NBAS: variants seen among roughly 807,000 people sequenced by gnomAD.
The protein encoded by NBAS is NBAS subunit of NRZ tethering complex, also known as NAG/BC035112 fusion.
NBAS carries 219 observed loss-of-function variants against 302.5 expected under a neutral mutation model. The observed-to-expected ratio is 0.72, with a 90% confidence interval of 0.65 to 0.81. NBAS has a LOEUF of 0.81. NBAS is among the 30% of genes least tolerant of loss of function. The probability of loss-of-function intolerance (pLI) is 0.00; values close to 1 mark genes in which losing one functional copy is unlikely to be tolerated. For missense variants in NBAS, 2,932 were observed against 2,841.6 expected, an observed-to-expected ratio of 1.03 and a Z score of -0.72; for synonymous variants, 1,118 against 1,021.6, an observed-to-expected ratio of 1.09 and a Z score of -1.80.
chr2:15,298,630 C>T (rs761490822), intron 40 of NBAS, among the ~76,000 whole-genome samples: 5 of 152,098 alleles, frequency 3.3e-5, no homozygotes, highest in Admixed American at 1.3e-4. Context: ...TGATTACTTC[C>T]GATATTCAAA....
In NBAS at chr2:15,330,653, G is replaced by GC. The variant is rs1672289425; in HGVS notation, c.4291dup (p.Ala1431GlyfsTer4). The GC allele has an allele frequency of 1.2e-6, 2 of 1,613,932 alleles. No homozygotes were observed. The highest frequency in any genetic ancestry group is 1.3e-5 in the African/African-American group (1 of 74,920). On this transcript the variant is annotated frameshift_variant, in exon 36 of 52. Transcript: ENST00000281513. LOFTEE classifies it high-confidence loss of function. ...CTTCCACCACTGCCCATCACTGACG[G>GC]CCTGCAGCACCGCTTTGGTGGTGGT... is the stretch of plus-strand genomic sequence containing the variant.
chr2:15,296,318 C>T (rs577166420), intron 40 of NBAS, among the ~76,000 whole-genome samples: 1 of 152,168 alleles, frequency 6.6e-6, no homozygotes, highest in East Asian at 1.9e-4. Context: ...GCAGGTGGAC[C>T]CCTTGAGGTC....
At chr2:15,241,553 C>G (rs1667867176) in intron 44 of NBAS, among the ~76,000 whole-genome samples, 1 of 152,148 alleles carries the variant, frequency 6.6e-6, no homozygotes, top group Non-Finnish European at 1.5e-5. Flanking sequence ...GGAAACTTGA[C>G]AAAGTGCTTC....
At chr2:15,070,647 C>CT in the NBAS span, among the ~76,000 whole-genome samples, 1 of 152,172 alleles carries the variant, frequency 6.6e-6, no homozygotes, top group Non-Finnish European at 1.5e-5. Flanking sequence ...CCCCCTCACA[C>CT]TAGGGGGCCT....
intron 40 of NBAS, among the ~76,000 whole-genome samples, chr2:15,307,558 T>G (rs1014130008): frequency 2.6e-5 from 4 of 152,168 alleles, no homozygotes; most frequent in African/African-American, 9.7e-5. Context: ...AATACAAAAA[T>G]CAGATAATTT....
chr2:14,853,815 C>T, the NBAS span, among the ~76,000 whole-genome samples: 1 of 122,786 alleles, frequency 8.1e-6, no homozygotes, highest in Admixed American at 8.0e-5. Flanking sequence ...AGTAAACTAT[C>T]GCAAGAACAA....
chr2:15,431,897 AAATT>A (rs1488928123), intron 21 of NBAS, among the ~76,000 whole-genome samples: 1 of 152,190 alleles, frequency 6.6e-6, no homozygotes, highest in Non-Finnish European at 1.5e-5. Context: ...TTTACATTAC[AAATT>A]AATTGATTGG....
At chr2:15,190,220 A>G in intron 49 of NBAS, 44 bp downstream of exon 49, 9 of 1,609,822 alleles carry the variant, frequency 5.6e-6, no homozygotes, top group Non-Finnish European at 7.6e-6. Flanking sequence ...GCTAAAGTCC[A>G]AACAAAAGAA....
At chr2:14,941,866 A>G in the NBAS span, among the ~76,000 whole-genome samples, 3 of 152,226 alleles carry the variant, frequency 2.0e-5, no homozygotes, top group African/African-American at 4.8e-5. Flanking sequence ...ATATGCAAAC[A>G]TAATACCCAC....
the NBAS span, among the ~76,000 whole-genome samples, chr2:15,063,602 T>C: frequency 5.3e-5 from 8 of 152,152 alleles, no homozygotes; most frequent in African/African-American, 1.9e-4. Flanking sequence ...TATTTGTAGA[T>C]AGGGACTTTA....
the NBAS span, among the ~76,000 whole-genome samples, chr2:14,909,038 A>C: frequency 3.9e-5 from 6 of 152,158 alleles, 1 homozygote; most frequent in Admixed American, 2.0e-4. Context: ...TGTGGCTAGA[A>C]AAGAGAACCA....
the NBAS span, among the ~76,000 whole-genome samples, chr2:15,140,330 C>T: frequency 6.6e-6 from 1 of 152,232 alleles, no homozygotes; most frequent in East Asian, 1.9e-4. Flanking sequence ...ATGACCTTTC[C>T]AAATTCCTGA....
At chr2:15,304,630 A>G (rs947826911) in intron 40 of NBAS, among the ~76,000 whole-genome samples, 1 of 152,194 alleles carries the variant, frequency 6.6e-6, no homozygotes, top group Admixed American at 6.5e-5. Context: ...ACGGACAATG[A>G]AGTCCAGGTT....
At chr2:15,128,365 T>C in the NBAS span, among the ~76,000 whole-genome samples, 1 of 152,190 alleles carries the variant, frequency 6.6e-6, no homozygotes, top group Non-Finnish European at 1.5e-5. Flanking sequence ...CTTTCCAAGA[T>C]CTGACAAATT....
chr2:14,958,849 G>T, the NBAS span, among the ~76,000 whole-genome samples: 13,906 of 152,104 alleles, frequency 0.091, 668 homozygotes, highest in East Asian at 0.14. Context: ...AAAAATAGGG[G>T]CTCTATAATC....
At chr2:15,125,249 G>A in the NBAS span, among the ~76,000 whole-genome samples, 13 of 152,322 alleles carry the variant, frequency 8.5e-5, no homozygotes, top group East Asian at 2.5e-3. Flanking sequence ...TTGGCTCACA[G>A]TTCTGCAGGC....
intron 23 of NBAS, among the ~76,000 whole-genome samples, chr2:15,423,534 T>A (rs1677310760): frequency 6.6e-6 from 1 of 152,058 alleles, no homozygotes; most frequent in Admixed American, 6.6e-5. Flanking sequence ...CTCAACTAAG[T>A]AGAAATTTAA....
chr2:15,152,183 A>G, the NBAS span, among the ~76,000 whole-genome samples: 1 of 152,244 alleles, frequency 6.6e-6, no homozygotes, highest in Non-Finnish European at 1.5e-5. Context: ...CACTATGATT[A>G]GAATAACAAA....
At chr2:15,534,299 TTAA>T (rs1267203643) in intron 9 of NBAS, among the ~76,000 whole-genome samples, 1 of 152,116 alleles carries the variant, frequency 6.6e-6, no homozygotes, top group African/African-American at 2.4e-5. Context: ...GGTCCGGGGG[TTAA>T]AAGAGGAGAA....
Sources: gnomAD v4.1 joint callset for allele counts (sites outside exome capture counted in the v4.1 genomes callset) on GRCh38, gnomAD v4.1.1 for gene constraint, MANE v1.5 for transcripts, NCBI Gene and HGNC (gene_info 2026-07-23, HGNC 2026-07-21) for gene names.